The following RIMS1 variants were observed in gnomAD, a reference collection of about 807,000 sequenced individuals.
RIMS1 encodes regulating synaptic membrane exocytosis protein 1.
In RIMS1, 83 loss-of-function variants were observed where a neutral mutation model predicts 214.1. The ratio of observed to expected loss-of-function variants is 0.39; its 90% CI spans 0.32 to 0.47. RIMS1 has a LOEUF of 0.47. Ranked by LOEUF, RIMS1 falls within the 20% of genes least tolerant of loss-of-function variation. RIMS1 has a pLI of 0.99. For synonymous variants in RIMS1, 793 were observed against 786.8 expected (o/e 1.01, Z -0.13); for missense variants, 2,050 against 2,161.8 (o/e 0.95, Z 1.03).
At chr6:71,958,413 G>A (rs549924745) in intron 1 of RIMS1, among the ~76,000 whole-genome samples, 5 of 152,196 alleles carry the variant, frequency 3.3e-5, no homozygotes, top group Non-Finnish European at 7.4e-5. Context: ...ATAAGAACGT[G>A]TGCTTCCTGA....
At chr6:72,262,058 C>A (rs2078272523) in intron 19 of RIMS1, 1 of 984,450 alleles carries the variant, frequency 1.0e-6, no homozygotes, top group Non-Finnish European at 1.2e-6. Flanking sequence ...AAAAAACATG[C>A]ACACAAAACA....
At chr6:72,365,002 AT>A (rs1437252228) in intron 29 of RIMS1, among the ~76,000 whole-genome samples, 1 of 152,194 alleles carries the variant, frequency 6.6e-6, no homozygotes, top group African/African-American at 2.4e-5. Flanking sequence ...GGAACAGTGA[AT>A]GTCTACGGGG....
chr6:72,386,284 C>A (rs150867210), intron 29 of RIMS1, among the ~76,000 whole-genome samples: 448 of 152,242 alleles, frequency 2.9e-3, no homozygotes, highest in African/African-American at 0.01. Context: ...ATGTAATGAA[C>A]AACAATCATG....
chr6:71,999,227 C>G (rs1804381077), intron 2 of RIMS1, among the ~76,000 whole-genome samples: 1 of 151,924 alleles, frequency 6.6e-6, no homozygotes, highest in Admixed American at 6.6e-5. Context: ...ATCTTGCTTT[C>G]TCTTTTCTAA....
At chr6:71,985,035 T>C (rs1398436313) in intron 2 of RIMS1, among the ~76,000 whole-genome samples, 7 of 151,762 alleles carry the variant, frequency 4.6e-5, no homozygotes, top group Admixed American at 1.3e-4. Flanking sequence ...CTTGGGAGAG[T>C]CAACTGTTAG....
Position 72,326,261 on chromosome 6 carries a change from C to T in RIMS1, c.4131-7339C>T, listed in dbSNP as rs758979279. ...TGGGAACTATCCTGACATAGCCCCT[C>T]GTGTCTTCTGAAAACATTCTTGCTT... On this transcript the variant is annotated intron_variant, in intron 28 of 33. Transcript: ENST00000521978. Among the ~76,000 whole-genome samples, 94 of 151,732 alleles carry T rather than the reference C, an allele frequency of 6.2e-4. 1 individual carries two copies. The highest frequency in any genetic ancestry group is 1.3e-3 in the African/African-American group (55 of 41,370).
At chr6:71,910,580 G>A (rs1776584110) in intron 1 of RIMS1, among the ~76,000 whole-genome samples, 1 of 152,074 alleles carries the variant, frequency 6.6e-6, no homozygotes, top group Non-Finnish European at 1.5e-5. Context: ...TCCCTTCACT[G>A]TGTTCTGTAT....
chr6:72,246,120 G>T (rs2069528995), intron 11 of RIMS1, among the ~76,000 whole-genome samples: 1 of 151,958 alleles, frequency 6.6e-6, no homozygotes, highest in Non-Finnish European at 1.5e-5. Flanking sequence ...TAACAGTCAG[G>T]ACCCTTACAG....
At chr6:72,182,060 A>G (rs189756217) in intron 5 of RIMS1, among the ~76,000 whole-genome samples, 48 of 152,350 alleles carry the variant, frequency 3.2e-4, no homozygotes, top group Middle Eastern at 3.4e-3. Flanking sequence ...TAGTACAAGC[A>G]TGACACTCTT....
At chr6:72,347,537 A>T (rs958438883) in intron 29 of RIMS1, among the ~76,000 whole-genome samples, 1 of 151,782 alleles carries the variant, frequency 6.6e-6, no homozygotes, top group Non-Finnish European at 1.5e-5. Context: ...TATTGTGCAC[A>T]TGTGAAACCA....
intron 2 of RIMS1, among the ~76,000 whole-genome samples, chr6:72,081,724 A>G (rs1403066716): frequency 6.6e-6 from 1 of 152,168 alleles, no homozygotes; most frequent in Non-Finnish European, 1.5e-5. Flanking sequence ...TGTATAAATT[A>G]AAAATCCTTC....
chr6:72,129,568 TATAA>T (rs2040125252), intron 4 of RIMS1, among the ~76,000 whole-genome samples: 1 of 152,190 alleles, frequency 6.6e-6, no homozygotes, highest in South Asian at 2.1e-4. Context: ...GATTATATTT[TATAA>T]GTATAAGAGT....
intron 2 of RIMS1, among the ~76,000 whole-genome samples, chr6:71,985,976 C>T (rs1301838721): frequency 6.6e-6 from 1 of 152,176 alleles, no homozygotes; most frequent in East Asian, 1.9e-4. Context: ...TTTACTTTAA[C>T]ATATGTCATC....
At chr6:72,132,485 A>C (rs1000327990) in intron 4 of RIMS1, among the ~76,000 whole-genome samples, 8 of 152,198 alleles carry the variant, frequency 5.3e-5, no homozygotes, top group Admixed American at 2.0e-4. Context: ...TATTGGGTAC[A>C]TAATATTATT....
intron 6 of RIMS1, among the ~76,000 whole-genome samples, chr6:72,194,215 C>A (rs1246576565): frequency 2.6e-5 from 4 of 152,104 alleles, no homozygotes; most frequent in Non-Finnish European, 5.9e-5. Context: ...TTACCAATGT[C>A]ATTCTTCACA....
chr6:72,265,312 C>A, intron 20 of RIMS1, 78 bp from the exon 21 acceptor site: 1 of 811,002 alleles, frequency 1.2e-6, no homozygotes, highest in Non-Finnish European at 1.9e-6. Context: ...GTTGCTTTGT[C>A]ATTTGTATAT....
At chr6:72,053,098 T>A (rs1208774213) in intron 2 of RIMS1, among the ~76,000 whole-genome samples, 14 of 152,170 alleles carry the variant, frequency 9.2e-5, no homozygotes, top group Admixed American at 8.5e-4. Context: ...CTATAGGCAT[T>A]TCTCTCAGGA....
intron 2 of RIMS1, among the ~76,000 whole-genome samples, chr6:71,979,457 G>C (rs750871082): frequency 2.0e-5 from 3 of 152,040 alleles, no homozygotes; most frequent in Admixed American, 6.6e-5. Flanking sequence ...TGAAATTTTA[G>C]TCATATACAT....
chr6:72,395,066 A>G (rs1259554183), intron 31 of RIMS1, among the ~76,000 whole-genome samples: 3 of 152,116 alleles, frequency 2.0e-5, no homozygotes, highest in Admixed American at 2.0e-4. Flanking sequence ...AGCTTAAGAT[A>G]TAATTAGCTA....
Sources: gnomAD v4.1 joint callset for allele counts (sites outside exome capture counted in the v4.1 genomes callset) on GRCh38, gnomAD v4.1.1 for gene constraint, MANE v1.5 for transcripts, NCBI Gene and HGNC (gene_info 2026-07-23, HGNC 2026-07-21) for gene names.